The following SEMA6D variants were observed in gnomAD, a reference collection of about 807,000 sequenced individuals.
The protein encoded by SEMA6D is semaphorin-6D.
Under a neutral mutation model 106.6 loss-of-function variants are expected in SEMA6D, and 35 were observed. The observed-to-expected ratio is 0.33, with a 90% CI of 0.25 to 0.44. The LOEUF (loss-of-function observed/expected upper bound fraction) is 0.44. SEMA6D is among the 20% of genes least tolerant of loss of function. The pLI is 1.00. For missense variants in SEMA6D, 1,185 were observed against 1,345.9 expected (o/e 0.88, Z 1.87); for synonymous variants, 499 against 487.7 (o/e 1.02, Z -0.31).
chr15:47,193,723 A>G (rs1168262104), intron 1 of SEMA6D, among the ~76,000 whole-genome samples: 1 of 152,082 alleles, frequency 6.6e-6, no homozygotes. Context: ...TGTTCCCTTC[A>G]TCTGGGACAC....
At chr15:47,546,984 C>T (rs998791033) in intron 3 of SEMA6D, among the ~76,000 whole-genome samples, 1 of 152,096 alleles carries the variant, frequency 6.6e-6, no homozygotes, top group Non-Finnish European at 1.5e-5. Flanking sequence ...CTGTTTCCAG[C>T]TTGGCCTGCA....
intron 1 of SEMA6D, among the ~76,000 whole-genome samples, chr15:47,280,338 A>G (rs2035054136): frequency 1.3e-5 from 2 of 151,428 alleles, no homozygotes; most frequent in Admixed American, 6.6e-5. Context: ...GTATTCTCTG[A>G]TGGTAGTTTG....
chr15:47,434,732 A>G (rs946594462), intron 2 of SEMA6D, among the ~76,000 whole-genome samples: 6 of 152,186 alleles, frequency 3.9e-5, no homozygotes, highest in African/African-American at 1.4e-4. Context: ...GTGGTCCCAC[A>G]TGGCATAGCT....
chr15:47,458,293 A>T (rs1289780994), intron 2 of SEMA6D, among the ~76,000 whole-genome samples: 1 of 113,120 alleles, frequency 8.8e-6, no homozygotes, highest in Non-Finnish European at 1.7e-5. Context: ...TTAACAATTT[A>T]TTTCAATAAA....
At chr15:47,326,333 C>T (rs569155032) in intron 1 of SEMA6D, among the ~76,000 whole-genome samples, 4 of 152,328 alleles carry the variant, frequency 2.6e-5, no homozygotes, top group African/African-American at 9.6e-5. Flanking sequence ...GCAGCAGTCA[C>T]ACTACCCTCA....
In SEMA6D at chr15:47,768,687, T is replaced by G; in HGVS notation, c.1872T>G (p.Phe624Leu). The change falls in exon 18 of 19, where the codon TTT becomes TTG. Residue 624 changes from phenylalanine to leucine, a missense_variant. Around this residue, in one of 3 missense-constraint regions of SEMA6D, gnomAD observed 750 missense variants for 783.5 expected, o/e 0.96. Coordinates refer to ENST00000536845, the MANE Select transcript of SEMA6D (RefSeq NM_001358351.3). ...WRPKLTSSRK[F>L]VVQDDPNTSD... ...CTAAACTGACAAGCTCTCGGAAATT[T>G]GTAGTTCAAGATGATCCAAACACTT... is the stretch of plus-strand genomic sequence containing the variant. 6.2e-7 allele frequency: 1 copy of G among 1,613,702 alleles called. No homozygotes were observed. The highest frequency in any genetic ancestry group is 8.5e-7 in the Non-Finnish European group (1 of 1,179,686).
chr15:47,764,464 T>A (rs1361302073), intron 11 of SEMA6D, among the ~76,000 whole-genome samples, 159 bp downstream of exon 11: 1 of 152,166 alleles, frequency 6.6e-6, no homozygotes, highest in Non-Finnish European at 1.5e-5. Context: ...TGCAAGCCCA[T>A]GAGTGTGAAT....
chr15:47,443,791 G>A (rs2041949087), intron 2 of SEMA6D, among the ~76,000 whole-genome samples: 1 of 152,082 alleles, frequency 6.6e-6, no homozygotes, highest in African/African-American at 2.4e-5. Context: ...GAAGCCCCTT[G>A]GCTTTTTTGG....
chr15:47,696,476 G>A (rs2078701316), intron 4 of SEMA6D, among the ~76,000 whole-genome samples: 1 of 152,190 alleles, frequency 6.6e-6, no homozygotes, highest in South Asian at 2.1e-4. Flanking sequence ...TGTGGGGAAG[G>A]AGAGAGAGGG....
At chr15:47,705,327 CG>C (rs1318725768) in intron 4 of SEMA6D, among the ~76,000 whole-genome samples, 4 of 152,148 alleles carry the variant, frequency 2.6e-5, no homozygotes, top group Non-Finnish European at 5.9e-5. Context: ...TAGGGTTTTA[CG>C]GTTTTACTTT....
intron 1 of SEMA6D, among the ~76,000 whole-genome samples, chr15:47,341,803 T>C (rs623549): frequency 0.53 from 80,978 of 151,940 alleles, 24,684 homozygotes; most frequent in African/African-American, 0.85. Flanking sequence ...CTTTCAGACT[T>C]GTGATATTCC....
chr15:47,586,305 T>C, intron 3 of SEMA6D, among the ~76,000 whole-genome samples: 1 of 152,160 alleles, frequency 6.6e-6, no homozygotes, highest in East Asian at 1.9e-4. Context: ...TAGGGGCCTA[T>C]TAGAAGATGA....
chr15:47,760,895 G>A (rs1041338687), intron 3 of SEMA6D, 83 bp from the exon 4 acceptor site: 2 of 1,221,614 alleles, frequency 1.6e-6, no homozygotes, highest in Non-Finnish European at 2.3e-6. Flanking sequence ...CACAATAAAG[G>A]CAGATCTGTA....
intron 1 of SEMA6D, among the ~76,000 whole-genome samples, chr15:47,719,827 C>G (rs2079315226): frequency 6.6e-6 from 1 of 152,180 alleles, no homozygotes; most frequent in Non-Finnish European, 1.5e-5. Flanking sequence ...GTGTCTAACT[C>G]AGGAAATTAA....
chr15:47,732,858 C>G (rs1215502620), intron 1 of SEMA6D, among the ~76,000 whole-genome samples: 2 of 152,174 alleles, frequency 1.3e-5, no homozygotes, highest in Admixed American at 1.3e-4. Context: ...CATAAAACGA[C>G]TTCTCTTTCA....
At chr15:47,348,550 C>G (rs1241128645) in intron 1 of SEMA6D, among the ~76,000 whole-genome samples, 3 of 151,872 alleles carry the variant, frequency 2.0e-5, no homozygotes, top group Non-Finnish European at 4.4e-5. Context: ...GTGGAAAATT[C>G]TACTTAATCT....
At chr15:47,586,815 C>G (rs975545271) in intron 3 of SEMA6D, among the ~76,000 whole-genome samples, 2 of 149,102 alleles carry the variant, frequency 1.3e-5, no homozygotes, top group African/African-American at 4.9e-5. Context: ...AAAGAAAATT[C>G]TGTTTCCCTA....
chr15:47,406,936 C>G (rs2040592068), intron 1 of SEMA6D, among the ~76,000 whole-genome samples: 1 of 151,512 alleles, frequency 6.6e-6, no homozygotes. Context: ...AGTCATACCT[C>G]AAAAAACAAA....
intron 3 of SEMA6D, among the ~76,000 whole-genome samples, chr15:47,585,659 G>A (rs74013820): frequency 1.9e-3 from 294 of 152,220 alleles, no homozygotes; most frequent in African/African-American, 6.9e-3. Context: ...ATCTAGGTGC[G>A]AGGCCAAACA....
Sources: gnomAD v4.1 joint callset for allele counts (sites outside exome capture counted in the v4.1 genomes callset) on GRCh38, gnomAD v4.1.1 for gene constraint, gnomAD v4.1.1 regional missense constraint, MANE v1.5 for transcripts, NCBI Gene and HGNC (gene_info 2026-07-23, HGNC 2026-07-21) for gene names.